RAF1: variants seen among roughly 807,000 people sequenced by gnomAD.
The protein encoded by RAF1 is Raf-1 proto-oncogene, serine/threonine kinase, also known as RAF proto-oncogene serine/threonine-protein kinase.
In RAF1, 27 loss-of-function variants were observed where a neutral mutation model predicts 81.1. That is an observed-to-expected ratio of 0.33 (90% CI 0.25 to 0.46). RAF1 has a LOEUF of 0.46. RAF1 is among the 20% of genes least tolerant of loss of function. RAF1 has a pLI of 1.00. For missense variants in RAF1, 598 were observed against 826.0 expected (o/e 0.72, Z 3.38); for synonymous variants, 298 against 294.0 (o/e 1.01, Z -0.14).
intron 1 of RAF1, among the ~76,000 whole-genome samples, chr3:12,663,547 T>G (rs1191111463): frequency 6.6e-6 from 1 of 152,208 alleles, no homozygotes; most frequent in Non-Finnish European, 1.5e-5. Flanking sequence ...GGAATGCGCA[T>G]GGCATAAGGG....
chr3:12,657,361 G>C (rs1329006517), intron 1 of RAF1, among the ~76,000 whole-genome samples: 1 of 152,206 alleles, frequency 6.6e-6, no homozygotes, highest in Non-Finnish European at 1.5e-5. Flanking sequence ...TGGGTAGCTA[G>C]AGAACAAAGG....
intron 1 of RAF1, among the ~76,000 whole-genome samples, chr3:12,657,090 ATGC>A (rs1444731505): frequency 6.6e-6 from 1 of 152,076 alleles, no homozygotes; most frequent in African/African-American, 2.4e-5. Flanking sequence ...AACTTGCCTT[ATGC>A]TGCACCAAGT....
intron 1 of RAF1, among the ~76,000 whole-genome samples, chr3:12,625,761 GTAGTGCATGACTGCACCT>G (rs369966399): frequency 2.9e-4 from 44 of 152,220 alleles, no homozygotes; most frequent in African/African-American, 1.0e-3. Context: ...GTTCGAGGCT[GTAGTGCATGACTGCACCT>G]GTGAAGAGCC....
At chr3:12,652,740 G>A (rs759239525) in intron 1 of RAF1, among the ~76,000 whole-genome samples, 7 of 152,032 alleles carry the variant, frequency 4.6e-5, no homozygotes, top group Non-Finnish European at 1.0e-4. Flanking sequence ...TTGAGGTCAG[G>A]AGGTTGAGAC....
intron 1 of RAF1, among the ~76,000 whole-genome samples, chr3:12,649,704 G>A (rs1483241450): frequency 6.6e-6 from 1 of 152,080 alleles, no homozygotes; most frequent in Non-Finnish European, 1.5e-5. Context: ...AATAGTAAAT[G>A]AAACACAAAA....
At chr3:12,644,813 A>T (rs984144006) in intron 1 of RAF1, among the ~76,000 whole-genome samples, 3 of 152,128 alleles carry the variant, frequency 2.0e-5, no homozygotes, top group African/African-American at 7.2e-5. Context: ...CAAAAATATT[A>T]AGGCGGCCAG....
At chr3:12,613,473 T>C (rs543583987) in intron 2 of RAF1, among the ~76,000 whole-genome samples, 1 of 135,240 alleles carries the variant, frequency 7.4e-6, no homozygotes, top group African/African-American at 2.7e-5. Context: ...TATATCTACC[T>C]ATGTGGGTAC....
At position 12,584,062 on chromosome 3, in the gene RAF1, C is replaced by T. The variant is rs5746250; in HGVS notation, c.*452G>A. 4 of 312,348 alleles carry T rather than the reference C, an allele frequency of 1.3e-5. No homozygotes were observed. The highest frequency in any genetic ancestry group is 9.5e-5 in the East Asian group (2 of 21,140). The allele number at this position is 312,348 out of a possible 1,614,324, so 19.3% of individuals were successfully genotyped here. ...GGTGCCTTATGTGCAAAATGTCTGGCGCTGCACCACTCTCTGAAGAAAGTC... is the reference window on the plus strand; with the variant it reads ...GGTGCCTTATGTGCAAAATGTCTGGTGCTGCACCACTCTCTGAAGAAAGTC... On this transcript the variant is annotated 3_prime_UTR_variant, in exon 18 of 18. Transcript: ENST00000442415.
At chr3:12,611,505 C>G (rs1283668766) in intron 3 of RAF1, among the ~76,000 whole-genome samples, 1 of 152,172 alleles carries the variant, frequency 6.6e-6, no homozygotes, top group African/African-American at 2.4e-5. Context: ...GTATTACCAT[C>G]CTGGCTAACA....
intron 2 of RAF1, among the ~76,000 whole-genome samples, chr3:12,616,180 T>A (rs963309077): frequency 2.0e-5 from 3 of 152,216 alleles, no homozygotes; most frequent in African/African-American, 7.2e-5. Context: ...CTTGTCTAAA[T>A]GATACAGCTA....
chr3:12,660,779 A>T (rs926371726), intron 1 of RAF1, among the ~76,000 whole-genome samples: 4 of 152,154 alleles, frequency 2.6e-5, no homozygotes, highest in Admixed American at 6.6e-5. Context: ...GTTCAAGACC[A>T]GCCTGGCTAA....
intron 1 of RAF1, among the ~76,000 whole-genome samples, chr3:12,631,587 A>C (rs2059862898): frequency 6.6e-6 from 1 of 152,226 alleles, no homozygotes; most frequent in African/African-American, 2.4e-5. Flanking sequence ...CGACACAGTG[A>C]GACTCCATCT....
chr3:12,627,904 G>C (rs1054750049), intron 1 of RAF1, among the ~76,000 whole-genome samples: 7 of 152,216 alleles, frequency 4.6e-5, no homozygotes, highest in African/African-American at 1.7e-4. Flanking sequence ...TGGATAACCT[G>C]AGGTCAGGAG....
intron 8 of RAF1, among the ~76,000 whole-genome samples, chr3:12,602,156 T>A (rs546563303): frequency 1.3e-5 from 2 of 152,220 alleles, no homozygotes; most frequent in Admixed American, 1.3e-4. Context: ...CTAATTTCTA[T>A]AGTTGGATCA....
chr3:12,591,993 G>C lies in RAF1; in HGVS notation c.1169-201C>G, dbSNP rs2058530415. 6 of 610,476 alleles carry C rather than the reference G, an allele frequency of 9.8e-6. No individual in the cohort carries two copies. In the East Asian group the frequency reaches 1.7e-4, roughly 18 times the overall value. 37.8% of individuals were successfully genotyped at this position (610,476 alleles called of 1,614,324 possible). A position where few individuals can be genotyped will look rare whatever the true frequency, so the allele number is the denominator to read the frequency against. On this transcript the variant is annotated intron_variant, in intron 11 of 17. Coordinates refer to ENST00000442415, the MANE Select transcript of RAF1 (RefSeq NM_001354689.3). ...GGCTAGAGTGCAGTGGCACATTGCA[G>C]CCTTGACCTCCAGGGCTTAAGCAAT...
intron 8 of RAF1, among the ~76,000 whole-genome samples, chr3:12,602,898 A>G (rs907363924): frequency 1.3e-5 from 2 of 152,324 alleles, no homozygotes; most frequent in South Asian, 4.1e-4. Flanking sequence ...TCAATAAAGA[A>G]TATTTATTCT....
intron 1 of RAF1, among the ~76,000 whole-genome samples, chr3:12,625,705 AC>A (rs1260734609): frequency 1.3e-5 from 2 of 148,672 alleles, no homozygotes; most frequent in Non-Finnish European, 3.0e-5. Context: ...AAGAATATTT[AC>A]CCCCAGCTAC....
At chr3:12,626,158 C>T (rs1396613755) in intron 1 of RAF1, among the ~76,000 whole-genome samples, 2 of 150,152 alleles carry the variant, frequency 1.3e-5, no homozygotes, top group Non-Finnish European at 3.0e-5. Context: ...TCCCAGCAAT[C>T]CCAGCTACTC....
chr3:12,607,811 C>T (rs751362214), intron 5 of RAF1, among the ~76,000 whole-genome samples: 5 of 151,506 alleles, frequency 3.3e-5, no homozygotes, highest in African/African-American at 1.2e-4. Context: ...ATTAGCTGGG[C>T]GTGGTGGTGT....
Sources: allele counts gnomAD v4.1 joint callset (sites outside exome capture counted in the v4.1 genomes callset), GRCh38; gene constraint gnomAD v4.1.1; transcripts MANE v1.5; gene names NCBI Gene and HGNC (gene_info 2026-07-23, HGNC 2026-07-21).